The following NAMPT variants were observed in gnomAD, a reference collection of about 807,000 sequenced individuals.
NAMPT encodes nicotinamide phosphoribosyltransferase.
In NAMPT, 7 loss-of-function variants were observed where a neutral mutation model predicts 58.7. The observed-to-expected ratio is 0.12, with a 90% CI of 0.07 to 0.22. The LOEUF (loss-of-function observed/expected upper bound fraction) is 0.22, where lower values mean the gene tolerates loss of function less well. Among genes scored for constraint, NAMPT ranks in the 10% least tolerant of loss-of-function variants. The pLI is 1.00. For synonymous variants in NAMPT, 145 were observed against 198.1 expected (o/e 0.73, Z 2.25); for missense variants, 271 against 567.9 (o/e 0.48, Z 5.31).
At chr7:106,285,065 C>A (rs1586032321), upstream of NAMPT, 1 of 1,356,436 alleles carries the variant, frequency 7.4e-7, no homozygotes, top group South Asian at 1.6e-5. Flanking sequence ...AGCCGTGACG[C>A]GGCGCGGGTG....
chr7:106,269,362 C>T, intron 4 of NAMPT, 50 bp from the exon 5 acceptor site: 1 of 1,454,338 alleles, frequency 6.9e-7, no homozygotes, highest in Non-Finnish European at 9.4e-7. Context: ...ATACTGCATT[C>T]TTTCTGAGGA....
chr7:106,253,271 A>C (rs1586009903), intron 9 of NAMPT, 120 bp from the exon 10 acceptor site: 1 of 1,001,100 alleles, frequency 1.0e-6, no homozygotes, highest in African/African-American at 1.6e-5. Flanking sequence ...CTTAATAGGT[A>C]TAACTGAACC....
At chr7:106,266,570 T>C (rs1197323542) in intron 6 of NAMPT, among the ~76,000 whole-genome samples, 5 of 151,160 alleles carry the variant, frequency 3.3e-5, no homozygotes, top group Non-Finnish European at 7.4e-5. Context: ...GTCAGCTGAA[T>C]CTATTTTCTA....
rs138428059 is a variant in NAMPT at position 106,252,003 on chromosome 7, A to AGTGG, written c.1366-811_1366-810insCCAC. On this transcript the variant is annotated intron_variant, in intron 10 of 10. Transcript: ENST00000222553. ...AATATTTCTGTCATTGTGTTGCTTC[A>AGTGG]AACCACAGTGCTTTAGCTGTAGCAT... 4.2e-3 allele frequency among the ~76,000 whole-genome samples: 637 copies of AGTGG among 152,260 alleles called. 4 individuals are homozygous for AGTGG. The highest frequency in any genetic ancestry group is 6.8e-3 in the Admixed American group (104 of 15,282).
At chr7:106,269,917 G>T (rs1792499772) in intron 4 of NAMPT, among the ~76,000 whole-genome samples, 1 of 152,170 alleles carries the variant, frequency 6.6e-6, no homozygotes, top group Admixed American at 6.5e-5. Flanking sequence ...TACTACTAGA[G>T]AATTCTATCT....
Position 106,275,061 on chromosome 7 carries a change from T to C in NAMPT, c.215-12A>G, listed in dbSNP as rs758289934. ...GGTTACTACTTTACCTAGAAGAATA[T>C]ACATGTCCTGTTTACATTTCTAAAG... On this transcript the variant is annotated splice_polypyrimidine_tract_variant and intron_variant, in intron 2 of 10. Coordinates refer to ENST00000222553, the MANE Select transcript of NAMPT (RefSeq NM_005746.3). 11 of 1,497,142 alleles carry C rather than the reference T, an allele frequency of 7.3e-6. No individual in the cohort carries two copies. The highest frequency in any genetic ancestry group is 1.1e-5 in the South Asian group (1 of 88,244). 92.7% of individuals were successfully genotyped at this position (1,497,142 alleles called of 1,614,324 possible). A position where few individuals can be genotyped will look rare whatever the true frequency, so the allele number is the denominator to read the frequency against.
chr7:106,253,179 A>G, intron 9 of NAMPT, 28 bp from the exon 10 acceptor site: 1 of 1,607,572 alleles, frequency 6.2e-7, no homozygotes, highest in Non-Finnish European at 8.5e-7. Context: ...AAAGTTAGAC[A>G]AGTAGAAGAC....
At chr7:106,253,229 C>G in intron 9 of NAMPT, 78 bp from the exon 10 acceptor site, 1 of 1,476,290 alleles carries the variant, frequency 6.8e-7, no homozygotes, top group South Asian at 1.3e-5. Flanking sequence ...TACAAAAAAG[C>G]ACATACATAA....
At chr7:106,263,033 C>T (rs1023711112) in intron 7 of NAMPT, 6 of 222,534 alleles carry the variant, frequency 2.7e-5, no homozygotes, top group South Asian at 1.5e-4. Context: ...GTGCTAACAA[C>T]TTCAAAGGTC....
chr7:106,282,216 C>CT (rs974487622), intron 1 of NAMPT, among the ~76,000 whole-genome samples: 169 of 150,702 alleles, frequency 1.1e-3, no homozygotes, highest in African/African-American at 2.2e-3. Flanking sequence ...GCAAAATTTT[C>CT]TTTTTTTTTG....
upstream of NAMPT, chr7:106,284,995 G>T: frequency 2.0e-6 from 3 of 1,465,300 alleles, no homozygotes; most frequent in Non-Finnish European, 2.7e-6. Context: ...CTCGGTCGGC[G>T]GAGGAGGGGG....
At position 106,280,581 on chromosome 7, in the gene NAMPT, A is replaced by G. The variant is rs1217991759; in HGVS notation, c.58-3402T>C. Among the ~76,000 whole-genome samples, 3 of 152,214 alleles carry G rather than the reference A, an allele frequency of 2.0e-5. No homozygotes were observed. In the East Asian group the frequency reaches 5.8e-4, roughly 29 times the overall value. ...GATCCCAGCAAACCTTCCCAGTGAA[A>G]ATGCTTCCTAAACTGGCATGGCCCT... On this transcript the variant is annotated intron_variant, in intron 1 of 10. Coordinates refer to ENST00000222553, the MANE Select transcript of NAMPT (RefSeq NM_005746.3).
intron 4 of NAMPT, among the ~76,000 whole-genome samples, chr7:106,270,567 T>C (rs1792513233): frequency 2.0e-5 from 3 of 152,200 alleles, no homozygotes; most frequent in Admixed American, 1.3e-4. Context: ...TGTGCTGTCC[T>C]TATGATTCGC....
At chr7:106,262,571 CCTT>C (rs763371330) in intron 7 of NAMPT, among the ~76,000 whole-genome samples, 5 of 152,084 alleles carry the variant, frequency 3.3e-5, no homozygotes, top group Non-Finnish European at 5.9e-5. Context: ...GAAAAGACCT[CCTT>C]AATTCTGTTT....
intron 1 of NAMPT, chr7:106,284,316 A>T (rs1254334119): frequency 6.7e-6 from 1 of 148,754 alleles, no homozygotes; most frequent in Admixed American, 6.6e-5. Context: ...CCGCGCCAGG[A>T]CTTCTCCCAC....
At chr7:106,268,322 G>C (rs879824375) in intron 6 of NAMPT, 142 bp downstream of exon 6, 66 of 729,738 alleles carry the variant, frequency 9.0e-5, no homozygotes, top group Non-Finnish European at 1.3e-4. Flanking sequence ...TTATACTTTT[G>C]TATAAATACT....
intron 1 of NAMPT, among the ~76,000 whole-genome samples, chr7:106,282,042 T>C (rs1792775399): frequency 6.6e-6 from 1 of 152,078 alleles, no homozygotes; most frequent in Admixed American, 6.5e-5. Flanking sequence ...CAATGTCACA[T>C]ATATCTTTAT....
intron 8 of NAMPT, among the ~76,000 whole-genome samples, chr7:106,254,856 G>A (rs1346229595): frequency 1.3e-5 from 2 of 152,120 alleles, no homozygotes; most frequent in African/African-American, 4.8e-5. Flanking sequence ...TTATTGTCCA[G>A]ATCTCAGCAA....
intron 1 of NAMPT, 22 bp from the exon 2 acceptor site, chr7:106,277,201 T>C (rs147768713): frequency 2.5e-6 from 4 of 1,592,936 alleles, no homozygotes; most frequent in African/African-American, 2.7e-5. Flanking sequence ...AATACACTTC[T>C]GTTAGAAAAC....
Sources: allele counts gnomAD v4.1 joint callset (sites outside exome capture counted in the v4.1 genomes callset), GRCh38; gene constraint gnomAD v4.1.1; transcripts MANE v1.5; gene names NCBI Gene and HGNC (gene_info 2026-07-23, HGNC 2026-07-21).